Variants in CDH18 observed in about 807,000 individuals in gnomAD.
CDH18 encodes cadherin 18, also known as cadherin-18.
CDH18 carries 31 observed loss-of-function variants against 67.9 expected under a neutral mutation model. The observed-to-expected ratio is 0.46, with a 90% CI of 0.34 to 0.62. CDH18 has a LOEUF of 0.62. Among genes scored for constraint, CDH18 ranks in the 20% least tolerant of loss-of-function variants. The probability of loss-of-function intolerance (pLI) is 0.01; values close to 1 mark genes in which losing one functional copy is unlikely to be tolerated. For synonymous variants in CDH18, 362 were observed against 347.2 expected (o/e 1.04, Z -0.48); for missense variants, 890 against 975.5 (o/e 0.91, Z 1.17).
intron 1 of CDH18, among the ~76,000 whole-genome samples, chr5:20,282,064 G>A (rs1450250506): frequency 5.9e-5 from 9 of 152,102 alleles, no homozygotes; most frequent in Non-Finnish European, 1.2e-4. Flanking sequence ...CATTGATTTT[G>A]TATCCTGAGA....
intron 3 of CDH18, among the ~76,000 whole-genome samples, chr5:19,824,946 C>T (rs748409668): frequency 7.2e-4 from 109 of 152,296 alleles, no homozygotes; most frequent in Middle Eastern, 3.4e-3. Context: ...GATAATCACA[C>T]CCATCCCTGG....
At chr5:19,539,065 G>A (rs1338183573) in intron 9 of CDH18, among the ~76,000 whole-genome samples, 2 of 152,144 alleles carry the variant, frequency 1.3e-5, no homozygotes, top group East Asian at 1.9e-4. Flanking sequence ...ACATTAACAG[G>A]CAATTAAGCC....
At chr5:20,497,355 G>A (rs1251604989) in intron 1 of CDH18, among the ~76,000 whole-genome samples, 2 of 152,060 alleles carry the variant, frequency 1.3e-5, no homozygotes, top group African/African-American at 4.8e-5. Flanking sequence ...GTGTGATTGT[G>A]GTCCCATAAG....
chr5:20,454,700 T>C (rs1750709580), intron 1 of CDH18, among the ~76,000 whole-genome samples: 1 of 152,098 alleles, frequency 6.6e-6, no homozygotes, highest in Admixed American at 6.6e-5. Context: ...TTTTACTTCA[T>C]TACTCATCAC....
chr5:20,447,549 T>C (rs1750096861), intron 1 of CDH18, among the ~76,000 whole-genome samples: 1 of 152,152 alleles, frequency 6.6e-6, no homozygotes, highest in African/African-American at 2.4e-5. Flanking sequence ...ACTTCCCAGC[T>C]CTCAGAACTG....
intron 1 of CDH18, among the ~76,000 whole-genome samples, chr5:20,472,982 G>A (rs1232721509): frequency 6.6e-6 from 1 of 152,124 alleles, no homozygotes; most frequent in African/African-American, 2.4e-5. Context: ...AGCATCATAA[G>A]CAGTACATTA....
chr5:19,831,175 T>A (rs951313357), intron 3 of CDH18, among the ~76,000 whole-genome samples: 26 of 152,008 alleles, frequency 1.7e-4, no homozygotes, highest in Non-Finnish European at 3.4e-4. Flanking sequence ...AAATAAAAAA[T>A]AAAACTACAT....
intron 2 of CDH18, among the ~76,000 whole-genome samples, chr5:20,235,584 C>T (rs569754292): frequency 2.2e-4 from 34 of 152,262 alleles, no homozygotes; most frequent in African/African-American, 7.5e-4. Context: ...TAGATCATCT[C>T]ACACCATTCA....
chr5:20,047,873 T>C (rs1262416532), intron 2 of CDH18, among the ~76,000 whole-genome samples: 3 of 151,910 alleles, frequency 2.0e-5, no homozygotes, highest in South Asian at 2.1e-4. Flanking sequence ...CTTTCAGAAA[T>C]CATCAAATGC....
chr5:20,318,643 C>T (rs1486045923), intron 1 of CDH18, among the ~76,000 whole-genome samples: 2 of 152,108 alleles, frequency 1.3e-5, no homozygotes, highest in African/African-American at 4.8e-5. Flanking sequence ...TTCCCCTTCA[C>T]CTTCTGCCAT....
chr5:19,788,627 T>C (rs1224127194), intron 3 of CDH18, among the ~76,000 whole-genome samples: 1 of 152,204 alleles, frequency 6.6e-6, no homozygotes, highest in Non-Finnish European at 1.5e-5. Context: ...CCAGATTACA[T>C]ATTAGTGTTC....
At chr5:19,620,577 G>A (rs538631940) in intron 5 of CDH18, among the ~76,000 whole-genome samples, 2 of 152,214 alleles carry the variant, frequency 1.3e-5, no homozygotes, top group South Asian at 4.1e-4. Flanking sequence ...TGAAGAAGCA[G>A]AATGAGAGAG....
chr5:20,190,453 A>C (rs1738449072), intron 2 of CDH18, among the ~76,000 whole-genome samples: 1 of 152,064 alleles, frequency 6.6e-6, no homozygotes, highest in Non-Finnish European at 1.5e-5. Context: ...TTAACAGTGC[A>C]ACAGCCTCAG....
intron 1 of CDH18, among the ~76,000 whole-genome samples, chr5:20,486,936 G>A (rs578261019): frequency 2.0e-5 from 3 of 152,218 alleles, no homozygotes; most frequent in South Asian, 4.1e-4. Flanking sequence ...CTGCAGTGGC[G>A]ACAGGGAGGC....
At chr5:20,282,687 T>A (rs941285121) in intron 1 of CDH18, among the ~76,000 whole-genome samples, 2 of 152,154 alleles carry the variant, frequency 1.3e-5, no homozygotes, top group African/African-American at 4.8e-5. Flanking sequence ...CTTTTTTTGC[T>A]GTGTCTCTGC....
chr5:19,677,203 T>C (rs1475119933), intron 5 of CDH18, among the ~76,000 whole-genome samples: 2 of 152,052 alleles, frequency 1.3e-5, no homozygotes, highest in Admixed American at 6.6e-5. Context: ...GCTAACAGTG[T>C]AACTTTCAGC....
At chr5:19,687,557 C>T (rs998173221) in intron 5 of CDH18, among the ~76,000 whole-genome samples, 3 of 152,164 alleles carry the variant, frequency 2.0e-5, no homozygotes, top group Non-Finnish European at 4.4e-5. Context: ...CACATGCTCC[C>T]CAGAGCCTGA....
At chr5:19,904,846 T>C (rs1332822909) in intron 2 of CDH18, among the ~76,000 whole-genome samples, 2 of 152,146 alleles carry the variant, frequency 1.3e-5, no homozygotes, top group South Asian at 2.1e-4. Flanking sequence ...AGGAGGAAGG[T>C]CCTTAATTTC....
intron 3 of CDH18, among the ~76,000 whole-genome samples, chr5:19,818,295 C>A (rs1053754130): frequency 1.3e-5 from 2 of 152,090 alleles, no homozygotes; most frequent in African/African-American, 4.8e-5. Context: ...ATTATTATCT[C>A]ATGAAGACAA....
Sources: gnomAD v4.1 joint callset for allele counts (sites outside exome capture counted in the v4.1 genomes callset) on GRCh38, gnomAD v4.1.1 for gene constraint, MANE v1.5 for transcripts, NCBI Gene and HGNC (gene_info 2026-07-23, HGNC 2026-07-21) for gene names.